The following RTL4 variants were observed in gnomAD, a reference collection of about 807,000 sequenced individuals.
RTL4 encodes retrotransposon Gag like 4.
Under a neutral mutation model 5.3 loss-of-function variants are expected in RTL4, and 4 were observed. The observed-to-expected ratio is 0.75, with a 90% CI of 0.37 to 1.72. The LOEUF (loss-of-function observed/expected upper bound fraction) is 1.72. Ranked by LOEUF, RTL4 falls within the 40% of genes most tolerant of loss-of-function variation. RTL4 has a pLI of 0.04. For synonymous variants in RTL4, 98 were observed against 87.3 expected, an observed-to-expected ratio of 1.12 and a Z score of -0.68; for missense variants, 260 against 227.1, an observed-to-expected ratio of 1.14 and a Z score of -0.93.
chrX:112,111,237 C>T, the RTL4 span, among the ~76,000 whole-genome samples: 1 of 110,013 alleles, frequency 9.1e-6, no homozygotes. Context: ...TCCTCTCTGT[C>T]TCCTTCTCTT....
At chrX:112,367,551 A>G in the RTL4 span, among the ~76,000 whole-genome samples, 2 of 112,310 alleles carry the variant, frequency 1.8e-5, no homozygotes, top group Non-Finnish European at 3.8e-5. Flanking sequence ...TTTTAGTTTT[A>G]TAAGGAGGCA....
At chrX:112,207,208 G>A in the RTL4 span, among the ~76,000 whole-genome samples, 1 of 111,542 alleles carries the variant, frequency 9.0e-6, no homozygotes, top group Non-Finnish European at 1.9e-5. Context: ...TTTAGTGGGT[G>A]CAGGAACCAC....
At chrX:112,114,769 A>C in the RTL4 span, among the ~76,000 whole-genome samples, 3 of 111,391 alleles carry the variant, frequency 2.7e-5, no homozygotes, top group Non-Finnish European at 5.6e-5. Context: ...GAGTAAGTTG[A>C]GAGGTCCTCT....
the RTL4 span, among the ~76,000 whole-genome samples, chrX:112,166,556 G>A: frequency 8.9e-6 from 1 of 112,123 alleles, no homozygotes; most frequent in South Asian, 3.8e-4. Flanking sequence ...AAAGATGGAT[G>A]TTTGGAAAGA....
chrX:112,105,446 G>A, the RTL4 span, among the ~76,000 whole-genome samples: 1 of 111,175 alleles, frequency 9.0e-6, no homozygotes, highest in Admixed American at 9.6e-5. Context: ...TATTTTGATA[G>A]GAATTGCATT....
chrX:112,381,738 A>G, the RTL4 span: 2 of 1,196,132 alleles, frequency 1.7e-6, no homozygotes, highest in African/African-American at 1.8e-5. Flanking sequence ...TTAAAGGAAA[A>G]GCAGGAGAAA....
At chrX:112,143,026 G>A in the RTL4 span, among the ~76,000 whole-genome samples, 2 of 110,673 alleles carry the variant, frequency 1.8e-5, no homozygotes, top group Admixed American at 9.6e-5. Flanking sequence ...AGGGGGTTTC[G>A]CCATATTGGC....
the RTL4 span, among the ~76,000 whole-genome samples, chrX:112,108,128 C>A: frequency 9.0e-6 from 1 of 111,358 alleles, no homozygotes. Context: ...ATTCATTGTA[C>A]TTTGCAGCTT....
chrX:112,350,744 G>A, the RTL4 span, among the ~76,000 whole-genome samples: 2 of 111,067 alleles, frequency 1.8e-5, no homozygotes, highest in Non-Finnish European at 3.8e-5. Flanking sequence ...GCGTCTATGT[G>A]ATTCTTCTCT....
At chrX:112,435,023 TA>T in the RTL4 span, among the ~76,000 whole-genome samples, 1 of 110,917 alleles carries the variant, frequency 9.0e-6, no homozygotes, top group Non-Finnish European at 1.9e-5. Flanking sequence ...GGAAATGCTG[TA>T]AATGCTTATA....
At chrX:112,277,227 G>A in the RTL4 span, among the ~76,000 whole-genome samples, 2 of 111,132 alleles carry the variant, frequency 1.8e-5, no homozygotes, top group African/African-American at 6.6e-5. Flanking sequence ...GAAACCTCCT[G>A]CTTTCTTCCC....
At chrX:112,139,256 G>GT in the RTL4 span, among the ~76,000 whole-genome samples, 10 of 111,345 alleles carry the variant, frequency 9.0e-5, no homozygotes, top group Non-Finnish European at 1.9e-4. Flanking sequence ...CTTGGTTAAG[G>GT]TTGTGTCTGA....
the RTL4 span, among the ~76,000 whole-genome samples, chrX:112,101,459 C>CA: frequency 9.1e-6 from 1 of 110,418 alleles, no homozygotes; most frequent in African/African-American, 3.3e-5. Context: ...GTAGAAGAGG[C>CA]AAAATAAAGG....
the RTL4 span, among the ~76,000 whole-genome samples, chrX:112,401,353 T>C: frequency 4.1e-4 from 46 of 111,519 alleles, no homozygotes; most frequent in Non-Finnish European, 2.6e-4. Context: ...CCATTGTGGG[T>C]CCAGGTACCA....
the RTL4 span, among the ~76,000 whole-genome samples, chrX:112,212,359 G>A: frequency 1.8e-5 from 2 of 111,767 alleles, no homozygotes; most frequent in Admixed American, 9.4e-5. Flanking sequence ...CTGGGCGACA[G>A]AGCGAGACTC....
At chrX:112,272,894 AT>A in the RTL4 span, among the ~76,000 whole-genome samples, 1 of 111,160 alleles carries the variant, frequency 9.0e-6, no homozygotes, top group Non-Finnish European at 1.9e-5. Context: ...AGTCCCAAAA[AT>A]ATCTCGTGAG....
the RTL4 span, among the ~76,000 whole-genome samples, chrX:112,095,098 G>T: frequency 9.0e-6 from 1 of 111,370 alleles, no homozygotes; most frequent in Non-Finnish European, 1.9e-5. Flanking sequence ...TCAAGAAAAA[G>T]GCAGGATTAA....
the RTL4 span, among the ~76,000 whole-genome samples, chrX:112,213,854 C>CACTTCACTGTGGT: frequency 9.2e-6 from 1 of 108,730 alleles, no homozygotes; most frequent in Non-Finnish European, 1.9e-5. Context: ...TTTAAAGTAC[C>CACTTCACTGTGGT]ACTTCACTGT....
At chrX:112,242,228 T>G in the RTL4 span, among the ~76,000 whole-genome samples, 1 of 112,113 alleles carries the variant, frequency 8.9e-6, no homozygotes, top group Non-Finnish European at 1.9e-5. Flanking sequence ...TCCAATTCTG[T>G]GAAGAAGGTC....
Sources: allele counts gnomAD v4.1 joint callset (sites outside exome capture counted in the v4.1 genomes callset), GRCh38; gene constraint gnomAD v4.1.1; transcripts MANE v1.5; gene names NCBI Gene and HGNC (gene_info 2026-07-23, HGNC 2026-07-21).